The following TJP1 variants were observed in gnomAD, a reference collection of about 807,000 sequenced individuals.
TJP1 encodes tight junction protein 1.
Under a neutral mutation model 194.2 loss-of-function variants are expected in TJP1, and 43 were observed. The observed-to-expected ratio is 0.22, with a 90% CI of 0.17 to 0.29. The LOEUF is 0.29. Among genes scored for constraint, TJP1 ranks in the 10% least tolerant of loss-of-function variants. TJP1 has a pLI of 1.00. For missense variants in TJP1, 1,971 were observed against 2,185.7 expected, an observed-to-expected ratio of 0.90 and a Z score of 1.96; for synonymous variants, 801 against 779.0, an observed-to-expected ratio of 1.03 and a Z score of -0.47.
chr15:29,718,026 C>T lies in TJP1; in HGVS notation c.3969G>A (p.Leu1323=), dbSNP rs1427739886. The T allele has an allele frequency of 6.2e-7, 1 of 1,608,280 alleles. No individual in the cohort carries two copies. Among genetic ancestry groups the T allele is most frequent in the Non-Finnish European group, 8.5e-7 (1 of 1,178,772 alleles). Residue 1323 remains leucine (L), a synonymous_variant, in exon 22 of 28, where the codon CTG becomes CTA. Coordinates refer to ENST00000614355, the MANE Select transcript of TJP1 (RefSeq NM_001330239.4). ...AGAGCACAAAGTGTACTCACCTGTA[C>T]AGAGTTTTGTCATGTTCACTGAATT... ...QNQFSEHDKT[L]YRIPEPQKPQ... is the part of the protein sequence containing the mutation.
Position 29,701,021 on chromosome 15 carries a change from C to A in TJP1, c.*574G>T. On this transcript the variant is annotated 3_prime_UTR_variant, in exon 28 of 28. Coordinates refer to ENST00000614355, the MANE Select transcript of TJP1 (RefSeq NM_001330239.4). ...AACCAGTCTCACATGCTTTTGTATC[C>A]TTCCCTAAGAAAAATGTGTTTTCAT... 6.5e-6 allele frequency: 1 copy of A among 153,132 alleles called. No individual in the cohort carries two copies. The allele number at this position is 153,132 out of a possible 1,614,324, so 9.5% of individuals were successfully genotyped here.
At chr15:29,901,844 C>T (rs1596218367) in intron 2 of TJP1, among the ~76,000 whole-genome samples, 1 of 150,680 alleles carries the variant, frequency 6.6e-6, no homozygotes, top group Non-Finnish European at 1.5e-5. Flanking sequence ...AAAAGTGTCA[C>T]TTTTAATAAC....
chr15:29,948,744 A>T (rs191479935), intron 2 of TJP1, among the ~76,000 whole-genome samples: 1 of 152,228 alleles, frequency 6.6e-6, no homozygotes, highest in Non-Finnish European at 1.5e-5. Flanking sequence ...ATCCTACTGC[A>T]GAACTTCTAG....
chr15:29,726,774 T>C lies in TJP1; in HGVS notation c.2311+7A>G, dbSNP rs762563591. The C allele has an allele frequency of 1.2e-6, 2 of 1,613,394 alleles. No homozygotes were observed. The highest frequency in any genetic ancestry group is 3.3e-5 in the Admixed American group (2 of 60,016). On this transcript the variant is annotated splice_region_variant and intron_variant, in intron 17 of 27. Coordinates refer to ENST00000614355, the MANE Select transcript of TJP1 (RefSeq NM_001330239.4). ...AGCTGAAAGAAGGCCTTTATTAACA[T>C]ACTCACTTGTAAAAAGATGGTGATT...
rs139964747 is a variant in TJP1 at position 29,741,210 on chromosome 15, T to C, written c.1256+121A>G. On this transcript the variant is annotated intron_variant, in intron 10 of 27. Transcript: ENST00000614355. Reference sequence around the variant, plus strand: ...AGAATGTTAAATATAAAAATAATCATAGTATTAGGTGGTATGTACTATTTT... The same window carrying C: ...AGAATGTTAAATATAAAAATAATCACAGTATTAGGTGGTATGTACTATTTT... 4.4e-5 allele frequency: 29 copies of C among 665,514 alleles called. No individual in the cohort carries two copies. The East Asian group carries it at 8.1e-4, about 19-fold the overall frequency. The allele number at this position is 665,514 out of a possible 1,614,324, so 41.2% of individuals were successfully genotyped here.
rs1271790203 is a variant in TJP1 at position 29,797,732 on chromosome 15, A to T, written c.84+2914T>A. Among the ~76,000 whole-genome samples the T allele has an allele frequency of 2.0e-5, 3 of 152,302 alleles. No homozygotes were observed. The East Asian group carries it at 5.8e-4, about 29-fold the overall frequency. Reference sequence around the variant, plus strand: ...TTAATATCCAAAATATATAAAGACTACTGCAACTCAACAACTAAAAAACAA... The same window carrying T: ...TTAATATCCAAAATATATAAAGACTTCTGCAACTCAACAACTAAAAAACAA... On this transcript the variant is annotated intron_variant, in intron 2 of 27. Coordinates refer to ENST00000614355, the MANE Select transcript of TJP1 (RefSeq NM_001330239.4).
In TJP1 at chr15:29,706,881, C is replaced by T. The variant is rs544637790; in HGVS notation, c.4851-1136G>A. Among the ~76,000 whole-genome samples, 7 of 152,150 alleles carry T rather than the reference C, an allele frequency of 4.6e-5. No homozygotes were observed. The South Asian group carries it at 1.5e-3, about 32-fold the overall frequency. On this transcript the variant is annotated intron_variant, in intron 25 of 27. Transcript: ENST00000614355. ...CACCGTGTTGGCCAGGATGGAACTC[C>T]TGACTTCCAGTGATCCGCCCGCCTC...
chr15:29,835,916 A>T (rs1236743456), intron 2 of TJP1, among the ~76,000 whole-genome samples: 1 of 152,082 alleles, frequency 6.6e-6, no homozygotes, highest in Non-Finnish European at 1.5e-5. Flanking sequence ...ACAGAGAGAG[A>T]CAGAGAGAGA....
intron 8 of TJP1, among the ~76,000 whole-genome samples, chr15:29,758,271 G>C (rs2045777280): frequency 1.3e-5 from 2 of 151,952 alleles, no homozygotes; most frequent in African/African-American, 4.8e-5. Flanking sequence ...GGTTGTTCGA[G>C]GGTCAAATGT....
chr15:29,777,068 A>G (rs2047061200), intron 2 of TJP1, among the ~76,000 whole-genome samples: 1 of 152,152 alleles, frequency 6.6e-6, no homozygotes, highest in South Asian at 2.1e-4. Context: ...AAATAATCAC[A>G]CAAGTACTTT....
At chr15:29,941,351 C>T (rs535928363) in intron 2 of TJP1, among the ~76,000 whole-genome samples, 2 of 152,336 alleles carry the variant, frequency 1.3e-5, no homozygotes, top group South Asian at 4.1e-4. Context: ...CCTTAGTCCT[C>T]TCTCTGTTCA....
At position 29,751,727 on chromosome 15, in the gene TJP1, C is replaced by G. The variant is rs537106506; in HGVS notation, c.1011-8946G>C. Among the ~76,000 whole-genome samples, 3 of 152,206 alleles carry G rather than the reference C, an allele frequency of 2.0e-5. No homozygotes were observed. In the South Asian group the frequency reaches 6.2e-4, roughly 32 times the overall value. ...ATAGTGGGAGACCAATGTCACAAAT[C>G]TTATTAGGATTCTCTCAGAGAAAAC... On this transcript the variant is annotated intron_variant, in intron 8 of 27. Transcript: ENST00000614355.
chr15:29,807,258 C>G (rs918424532), intron 1 of TJP1, among the ~76,000 whole-genome samples: 1 of 152,128 alleles, frequency 6.6e-6, no homozygotes, highest in Non-Finnish European at 1.5e-5. Flanking sequence ...ACATTAAGTT[C>G]ACAGATAAGC....
intron 5 of TJP1, among the ~76,000 whole-genome samples, chr15:29,765,909 C>T (rs992533631): frequency 5.9e-5 from 9 of 152,124 alleles, no homozygotes; most frequent in African/African-American, 2.2e-4. Context: ...AAAACAACAA[C>T]AACAACAACA....
At chr15:29,780,513 C>T (rs1432624779) in intron 2 of TJP1, among the ~76,000 whole-genome samples, 1 of 152,160 alleles carries the variant, frequency 6.6e-6, no homozygotes, top group African/African-American at 2.4e-5. Context: ...CACTCACCTC[C>T]TGCTGTGTGG....
Position 29,916,589 on chromosome 15 carries a change from C to T in TJP1, c.306+39643G>A, listed in dbSNP as rs556859067. Among the ~76,000 whole-genome samples the T allele has an allele frequency of 2.7e-4, 41 of 152,292 alleles. No individual in the cohort carries two copies. In the South Asian group the frequency reaches 7.7e-3, roughly 29 times the overall value. ...GAGCTTCATGAATTTTAAAGCCCTACGCAAACGTTGTTGCACAAACACAAT... is the reference window on the plus strand; with the variant it reads ...GAGCTTCATGAATTTTAAAGCCCTATGCAAACGTTGTTGCACAAACACAAT... On this transcript the variant is annotated intron_variant, in intron 2 of 28. Coordinates refer to the TJP1 transcript ENST00000356107.
At chr15:29,845,599 A>T (rs1201088985) in intron 2 of TJP1, among the ~76,000 whole-genome samples, 1 of 152,072 alleles carries the variant, frequency 6.6e-6, no homozygotes, top group Non-Finnish European at 1.5e-5. Context: ...AGGGCAAGAG[A>T]TCGAGACCAT....
chr15:29,801,460 ATTAT>A lies in TJP1; in HGVS notation c.28-762_28-759del, dbSNP rs1291806818. ...CTCTCAATAGAGAGGAAAATAAATT[ATTAT>A]TTTTTTTTTTTTTTTGAGACGGAGT... is the stretch of plus-strand genomic sequence containing the variant. On this transcript the variant is annotated intron_variant, in intron 1 of 27. Coordinates refer to ENST00000614355, the MANE Select transcript of TJP1 (RefSeq NM_001330239.4). 5.3e-5 allele frequency among the ~76,000 whole-genome samples: 6 copies of A among 113,264 alleles called. No individual in the cohort carries two copies. In the East Asian group the frequency reaches 1.6e-3, roughly 31 times the overall value. The allele number at this position is 113,264 out of a possible 152,430, so 74.3% of individuals were successfully genotyped here.
chr15:29,745,301 T>TG (rs1555400911), intron 8 of TJP1, among the ~76,000 whole-genome samples: 6 of 14,816 alleles, frequency 4.0e-4, no homozygotes, highest in African/African-American at 1.4e-3. Context: ...CCCAAAATAT[T>TG]GAAAAAAAAA....
Sources: allele counts gnomAD v4.1 joint callset (sites outside exome capture counted in the v4.1 genomes callset), GRCh38; gene constraint gnomAD v4.1.1; transcripts MANE v1.5; gene names NCBI Gene and HGNC (gene_info 2026-07-23, HGNC 2026-07-21).